The following MALRD1 variants were observed in gnomAD, a reference collection of about 807,000 sequenced individuals.
MALRD1 encodes MAM and LDL-receptor class A domain-containing protein 1.
Under a neutral mutation model 242.1 loss-of-function variants are expected in MALRD1, and 247 were observed. The observed-to-expected ratio is 1.02, with a 90% CI of 0.92 to 1.13. The LOEUF is 1.13. MALRD1 is among the 50% of genes most tolerant of loss of function. The pLI, the probability that MALRD1 is intolerant of heterozygous loss-of-function variation, is 0.00. For synonymous variants in MALRD1, 995 were observed against 866.6 expected (o/e 1.15, Z -2.60); for missense variants, 2,989 against 2,533.1 (o/e 1.18, Z -3.86).
rs1834404699 is a variant in MALRD1, at chr10:19,048,844, A to G, written c.-95A>G. On this transcript the variant is annotated 5_prime_UTR_variant, in exon 1 of 40. Transcript: ENST00000454679. Reference sequence around the variant, plus strand: ...CAATAGTATCCAGTTATAAGAAGCAAATCTGGGAAAGGAAGAATAGAGAAA... The same window carrying G: ...CAATAGTATCCAGTTATAAGAAGCAGATCTGGGAAAGGAAGAATAGAGAAA... 2.0e-6 allele frequency: 2 copies of G among 1,005,906 alleles called. No individual in the cohort carries two copies. Among genetic ancestry groups the G allele is most frequent in the Non-Finnish European group, 2.6e-6 (2 of 781,454 alleles). The allele number at this position is 1,005,906 out of a possible 1,614,324, so 62.3% of individuals were successfully genotyped here. A position where few individuals can be genotyped will look rare whatever the true frequency, so the allele number is the denominator to read the frequency against.
At chr10:19,135,015 T>C (rs906679379) in intron 9 of MALRD1, among the ~76,000 whole-genome samples, 1 of 152,200 alleles carries the variant, frequency 6.6e-6, no homozygotes, top group South Asian at 2.1e-4. Flanking sequence ...ATGGGAAAAG[T>C]ATGTAGCAGC....
At chr10:19,268,326 T>G (rs2131839464) in intron 19 of MALRD1, among the ~76,000 whole-genome samples, 1 of 152,222 alleles carries the variant, frequency 6.6e-6, no homozygotes, top group Non-Finnish European at 1.5e-5. Context: ...AGAATAGCTA[T>G]GCTTTCATAA....
intron 36 of MALRD1, among the ~76,000 whole-genome samples, chr10:19,650,282 G>A (rs888869714): frequency 2.0e-5 from 3 of 152,084 alleles, no homozygotes; most frequent in African/African-American, 7.2e-5. Context: ...CACTGAAAGC[G>A]AACATGAAAT....
intron 31 of MALRD1, among the ~76,000 whole-genome samples, chr10:19,512,561 A>G (rs1833452364): frequency 6.6e-6 from 1 of 152,200 alleles, no homozygotes; most frequent in Non-Finnish European, 1.5e-5. Context: ...AACATTTATA[A>G]TAACCTCTTA....
chr10:19,052,672 C>A (rs1312239702), intron 1 of MALRD1, among the ~76,000 whole-genome samples: 1 of 152,080 alleles, frequency 6.6e-6, no homozygotes, highest in Non-Finnish European at 1.5e-5. Flanking sequence ...GCCTGTAGGA[C>A]TGCAGCTGGG....
At position 19,387,728 on chromosome 10, in the gene MALRD1, C is replaced by G; in HGVS notation, c.4642C>G (p.Gln1548Glu). 1 of 1,550,504 alleles carries G rather than the reference C, an allele frequency of 6.4e-7. No individual in the cohort carries two copies. Among genetic ancestry groups the G allele is most frequent in the South Asian group, 1.2e-5 (1 of 84,050 alleles). ...TTGGGTTTTAGGGGTTGGCTCTCAT[C>G]AAAGCTTAAGACCTCCCAAAGACCA... The part of the protein sequence containing the change: ...FDWVLGVGSH[Q>E]SLRPPKDHTL... The change falls in exon 27 of 40, where the codon CAA (glutamine) becomes GAA (glutamate). Residue 1548 changes from glutamine to glutamate, a missense_variant. Coordinates refer to ENST00000454679, the MANE Select transcript of MALRD1 (RefSeq NM_001142308.3).
At chr10:19,064,921 G>T (rs1022116040) in intron 1 of MALRD1, among the ~76,000 whole-genome samples, 1 of 152,076 alleles carries the variant, frequency 6.6e-6, no homozygotes, top group African/African-American at 2.4e-5. Flanking sequence ...GGCAACTGCA[G>T]TTATACCCAT....
chr10:19,510,532 C>T (rs199926182), intron 31 of MALRD1, among the ~76,000 whole-genome samples: 1 of 112,394 alleles, frequency 8.9e-6, no homozygotes, highest in Non-Finnish European at 2.0e-5. Flanking sequence ...AACAAGCATG[C>T]TGCCTTCAAG....
intron 33 of MALRD1, among the ~76,000 whole-genome samples, chr10:19,570,485 G>A (rs922408498): frequency 6.6e-6 from 1 of 152,032 alleles, no homozygotes; most frequent in African/African-American, 2.4e-5. Context: ...TTAAAGAAAT[G>A]TGATCCTTTA....
At chr10:19,434,984 T>G (rs1001239855) in intron 28 of MALRD1, among the ~76,000 whole-genome samples, 1 of 151,718 alleles carries the variant, frequency 6.6e-6, no homozygotes, top group Non-Finnish European at 1.5e-5. Flanking sequence ...TTAATTAAAA[T>G]ATTGAAAGCT....
intron 19 of MALRD1, among the ~76,000 whole-genome samples, chr10:19,279,402 C>G (rs957772061): frequency 6.6e-6 from 1 of 152,134 alleles, no homozygotes; most frequent in Non-Finnish European, 1.5e-5. Context: ...TAATATTTAA[C>G]TTTTTCTCCA....
intron 18 of MALRD1, among the ~76,000 whole-genome samples, chr10:19,238,840 A>G (rs1838623254): frequency 6.6e-6 from 1 of 151,256 alleles, no homozygotes; most frequent in South Asian, 2.1e-4. Context: ...CAATCCCATC[A>G]ACAGTGTGTA....
chr10:19,688,159 G>T (rs1209291325), intron 36 of MALRD1, among the ~76,000 whole-genome samples: 2 of 152,078 alleles, frequency 1.3e-5, no homozygotes, highest in African/African-American at 4.8e-5. Context: ...TAGTAGAGAA[G>T]GGGTTTTGCC....
intron 28 of MALRD1, among the ~76,000 whole-genome samples, chr10:19,437,166 T>C (rs1834382895): frequency 6.6e-6 from 1 of 152,166 alleles, no homozygotes; most frequent in African/African-American, 2.4e-5. Context: ...AATACAGAGC[T>C]TAAATCTTTG....
At chr10:19,449,691 A>T (rs1329262041) in intron 28 of MALRD1, among the ~76,000 whole-genome samples, 3 of 152,136 alleles carry the variant, frequency 2.0e-5, no homozygotes, top group African/African-American at 7.2e-5. Flanking sequence ...CAAAGAGAAG[A>T]TTGGAGGTTT....
At chr10:19,254,915 A>C (rs1214199959) in intron 18 of MALRD1, among the ~76,000 whole-genome samples, 1 of 152,006 alleles carries the variant, frequency 6.6e-6, no homozygotes, top group Non-Finnish European at 1.5e-5. Context: ...TGAGGCTAAA[A>C]CATGTGTTTG....
intron 28 of MALRD1, among the ~76,000 whole-genome samples, chr10:19,437,225 ACCTGTT>A (rs1388148764): frequency 6.6e-6 from 1 of 151,950 alleles, no homozygotes; most frequent in Non-Finnish European, 1.5e-5. Context: ...TCCTAAGATC[ACCTGTT>A]TTGTCTCTTT....
At chr10:19,690,870 GT>G (rs1379775982) in intron 36 of MALRD1, among the ~76,000 whole-genome samples, 2 of 151,878 alleles carry the variant, frequency 1.3e-5, no homozygotes, top group Non-Finnish European at 2.9e-5. Flanking sequence ...TATGTCTTAG[GT>G]TTCTCCATTA....
intron 14 of MALRD1, among the ~76,000 whole-genome samples, chr10:19,196,639 C>T (rs1223178619): frequency 6.6e-6 from 1 of 150,514 alleles, no homozygotes; most frequent in Non-Finnish European, 1.5e-5. Flanking sequence ...ACTCTGGATT[C>T]ATACATACAG....
Sources: allele counts gnomAD v4.1 joint callset (sites outside exome capture counted in the v4.1 genomes callset), GRCh38; gene constraint gnomAD v4.1.1; transcripts MANE v1.5; gene names NCBI Gene and HGNC (gene_info 2026-07-23, HGNC 2026-07-21).